Variants in PRRT4 observed in about 807,000 individuals in gnomAD.
PRRT4 encodes the protein proline rich transmembrane protein 4, also known as proline-rich transmembrane protein 4.
A neutral mutation model predicts 55.6 loss-of-function variants in PRRT4; 59 were observed. The observed-to-expected ratio is 1.06, with a 90% CI of 0.86 to 1.32. The LOEUF is 1.32. PRRT4 is among the 40% of genes most tolerant of loss of function. The pLI is 0.00. For synonymous variants in PRRT4, 606 were observed against 601.8 expected (o/e 1.01, Z -0.10); for missense variants, 1,217 against 1,222.0 (o/e 1.00, Z 0.06).
exon 2 of PRRT4, chr7:128,359,533 C>T: frequency 6.7e-7 from 1 of 1,482,170 alleles, no homozygotes; most frequent in Non-Finnish European, 9.0e-7. Flanking sequence ...TGTCCCAGGT[C>T]ACAGTGCTCC....
At chr7:128,351,400 T>C (rs1347431097) in exon 5 of PRRT4, 5 of 1,541,416 alleles carry the variant, frequency 3.2e-6, no homozygotes, top group Non-Finnish European at 4.4e-6. Context: ...CGGGCGGAAG[T>C]CCACGGTGTA....
At chr7:128,357,476 G>A (rs943682897) in intron 4 of PRRT4, among the ~76,000 whole-genome samples, 4 of 152,074 alleles carry the variant, frequency 2.6e-5, no homozygotes, top group Non-Finnish European at 4.4e-5. Context: ...CACCAAGGCC[G>A]ACAGACTGCC....
Position 128,352,364 on chromosome 7 carries a change from AG to A in PRRT4, c.1191del (p.Cys398AlafsTer173). 1 of 1,525,480 alleles carries A rather than the reference AG, an allele frequency of 6.6e-7. No individual in the cohort carries two copies. The allele number at this position is 1,525,480 out of a possible 1,614,324, so 94.5% of individuals were successfully genotyped here. Reference sequence around the variant, plus strand: ...AGCAGCAGGTCCAGCAGCGCCAGGCAGGGGGCGCCGGGCGGGCACCGCCAGG... The same window carrying A: ...AGCAGCAGGTCCAGCAGCGCCAGGCAGGGGCGCCGGGCGGGCACCGCCAGG... On this transcript the variant is annotated frameshift_variant, in exon 5 of 5. Coordinates refer to ENST00000535159, the Ensembl canonical transcript of PRRT4. LOFTEE classifies it high-confidence loss of function.
At chr7:128,352,815 A>C in intron 4 of PRRT4, 137 bp from the exon 6 acceptor site, 1 of 839,300 alleles carries the variant, frequency 1.2e-6, no homozygotes, top group Non-Finnish European at 1.8e-6. Context: ...GACTCACCCC[A>C]CCTCTTGGCC....
chr7:128,361,103 TCACACACACACACA>T (rs71160634), intron 1 of PRRT4, among the ~76,000 whole-genome samples, 189 bp downstream of exon 2: 14 of 77,570 alleles, frequency 1.8e-4, no homozygotes, highest in South Asian at 1.1e-3. Context: ...TCTCTCTCTC[TCACACACACACACA>T]CACACACACA....
At position 128,351,430 on chromosome 7, in the gene PRRT4, G is replaced by A. The variant is rs1385218275; in HGVS notation, c.2126C>T (p.Ala709Val). The change falls in exon 5 of 5, where the codon GCT (alanine) becomes GTT (valine). Residue 709 changes from alanine to valine, a missense_variant. Coordinates refer to ENST00000535159, the Ensembl canonical transcript of PRRT4. Reference sequence around the variant, plus strand: ...GGTGTAATCGCTGCAGGGAGAGGAAGCCGGGGACGGGGCCGGGTTGGCCGC... The same window carrying A: ...GGTGTAATCGCTGCAGGGAGAGGAAACCGGGGACGGGGCCGGGTTGGCCGC... The A allele has an allele frequency of 5.9e-6, 9 of 1,526,996 alleles. No homozygotes were observed. In the Admixed American group the frequency reaches 8.1e-5, roughly 14 times the overall value. 94.6% of individuals were successfully genotyped at this position (1,526,996 alleles called of 1,614,324 possible). A position where few individuals can be genotyped will look rare whatever the true frequency, so the allele number is the denominator to read the frequency against.
chr7:128,355,972 A>G (rs1320927485), intron 4 of PRRT4, among the ~76,000 whole-genome samples: 1 of 152,190 alleles, frequency 6.6e-6, no homozygotes, highest in African/African-American at 2.4e-5. Context: ...AACATTCATA[A>G]GAATCCAGGC....
At chr7:128,360,475 G>C (rs1038416162) in intron 1 of PRRT4, among the ~76,000 whole-genome samples, 4 of 152,146 alleles carry the variant, frequency 2.6e-5, no homozygotes, top group Admixed American at 6.5e-5. Flanking sequence ...AAGCCCTTCC[G>C]ATGTCTTGAC....
chr7:128,355,855 G>T (rs1405147749), intron 4 of PRRT4, among the ~76,000 whole-genome samples: 3 of 152,292 alleles, frequency 2.0e-5, no homozygotes, highest in Non-Finnish European at 4.4e-5. Flanking sequence ...GCTGTCAGAG[G>T]TTAGCTCCAA....
At chr7:128,351,522 G>A in exon 5 of PRRT4, 2 of 1,490,534 alleles carry the variant, frequency 1.3e-6, no homozygotes, top group Non-Finnish European at 1.8e-6. Flanking sequence ...CTGCCAGCGC[G>A]CACAGCTGCA....
chr7:128,351,700 C>T lies in PRRT4; in HGVS notation c.1856G>A (p.Gly619Asp). 1.3e-6 allele frequency: 2 copies of T among 1,498,584 alleles called. No individual in the cohort carries two copies. Among genetic ancestry groups the T allele is most frequent in the Non-Finnish European group, 1.8e-6 (2 of 1,132,418 alleles). The allele number at this position is 1,498,584 out of a possible 1,614,324, so 92.8% of individuals were successfully genotyped here. A position where few individuals can be genotyped will look rare whatever the true frequency, so the allele number is the denominator to read the frequency against. ...AGGACTGCAGAGCGCCGGGTAGAGGCCCAGCAGCGCCAACGGGAGCGCGAC... is the reference window on the plus strand; with the variant it reads ...AGGACTGCAGAGCGCCGGGTAGAGGTCCAGCAGCGCCAACGGGAGCGCGAC... The change falls in exon 5 of 5, where the codon GGC becomes GAC. Residue 619 changes from glycine to aspartate, a missense_variant. Gly to Asp is a moderately conservative substitution (Grantham distance 94). Around this residue, in one of 3 missense-constraint regions of PRRT4, gnomAD observed 642 missense variants for 600.9 expected, o/e 1.07. Coordinates refer to ENST00000535159, the Ensembl canonical transcript of PRRT4.
chr7:128,351,810 G>A (rs1325972343), exon 5 of PRRT4: 13 of 1,417,966 alleles, frequency 9.2e-6, no homozygotes, highest in Admixed American at 3.1e-5. Flanking sequence ...CGTAGCCCAG[G>A]GCGTGCAGCA....
exon 5 of PRRT4, chr7:128,352,230 G>T (rs1797001068): frequency 2.0e-6 from 3 of 1,537,984 alleles, no homozygotes; most frequent in Non-Finnish European, 2.6e-6. Flanking sequence ...CAGCCAAGCA[G>T]GGCAGCGGAA....
chr7:128,358,832 A>C lies in PRRT4; in HGVS notation c.758-32T>G. ...AGGGAGCACATGGGGCTCAAGTGCC[A>C]CCCCACCAACCAGCCTTGCCTCTGG... is the stretch of plus-strand genomic sequence containing the variant. On this transcript the variant is annotated intron_variant, in intron 3 of 4. Coordinates refer to ENST00000535159, the Ensembl canonical transcript of PRRT4. The surrounding 1 kb of genome is among the most constrained non-coding windows in gnomAD (Gnocchi z 4.4). 6.7e-7 allele frequency: 1 copy of C among 1,498,924 alleles called. No homozygotes were observed. The highest frequency in any genetic ancestry group is 8.9e-7 in the Non-Finnish European group (1 of 1,126,314). 92.9% of individuals were successfully genotyped at this position (1,498,924 alleles called of 1,614,324 possible).
At chr7:128,351,105 C>A in exon 5 of PRRT4, 1 of 1,548,576 alleles carries the variant, frequency 6.5e-7, no homozygotes, top group South Asian at 1.2e-5. Flanking sequence ...TGGAACACAG[C>A]AGCATGGACG....
intron 1 of PRRT4, among the ~76,000 whole-genome samples, chr7:128,361,066 G>A (rs1462547762): frequency 1.6e-5 from 2 of 126,790 alleles, no homozygotes; most frequent in Non-Finnish European, 3.3e-5. Flanking sequence ...GTGAGCCCCC[G>A]GCCTCCCCTG....
chr7:128,356,974 G>T lies in PRRT4; in HGVS notation c.877+1707C>A, dbSNP rs368837720. 2.6e-5 allele frequency among the ~76,000 whole-genome samples: 4 copies of T among 152,334 alleles called. No homozygotes were observed. The East Asian group carries it at 5.8e-4, about 22-fold the overall frequency. On this transcript the variant is annotated intron_variant, in intron 4 of 4. Coordinates refer to ENST00000535159, the Ensembl canonical transcript of PRRT4. ...CCAGCCAGAGTGGTCAGGGAGTGGA[G>T]GGGAACCCTCTGTGGACTAAGCGAG...
rs1797163667 is a variant in PRRT4, at chr7:128,358,556, G to C, written c.877+125C>G. The C allele has an allele frequency of 1.2e-6, 1 of 863,332 alleles. No homozygotes were observed. Among genetic ancestry groups the C allele is most frequent in the African/African-American group, 1.7e-5 (1 of 59,718 alleles). The allele number at this position is 863,332 out of a possible 1,614,324, so 53.5% of individuals were successfully genotyped here. ...TCATATATATCTCCACGGTGATGAT[G>C]AAGAGAATGATGATTATGATTATGA... On this transcript the variant is annotated intron_variant, in intron 4 of 4. Transcript: ENST00000535159. This position sits in a 1 kb window ranked among gnomAD's most constrained non-coding sequence, Gnocchi z 4.4.
intron 4 of PRRT4, among the ~76,000 whole-genome samples, chr7:128,357,516 A>C (rs359641): frequency 0.075 from 11,342 of 152,046 alleles, 1,340 homozygotes; most frequent in African/African-American, 0.25. Context: ...AGGCACAGAA[A>C]CTGCCCCCTA....
Sources: allele counts gnomAD v4.1 joint callset (sites outside exome capture counted in the v4.1 genomes callset), GRCh38; gene constraint gnomAD v4.1.1; regional missense constraint gnomAD v4.1.1; non-coding constraint Gnocchi (gnomAD v3.1); transcripts MANE v1.5; gene names NCBI Gene and HGNC (gene_info 2026-07-23, HGNC 2026-07-21).